UBE2E3: variants seen among roughly 807,000 people sequenced by gnomAD.
UBE2E3 encodes the protein ubiquitin conjugating enzyme E2 E3, also known as ubiquitin-conjugating enzyme E2 E3.
In UBE2E3, 5 loss-of-function variants were observed where a neutral mutation model predicts 23.6. The ratio of observed to expected loss-of-function variants is 0.21; its 90% CI spans 0.11 to 0.44. The LOEUF (loss-of-function observed/expected upper bound fraction) is 0.44, where lower values mean the gene tolerates loss of function less well. Among genes scored for constraint, UBE2E3 ranks in the 20% least tolerant of loss-of-function variants. The pLI is 0.99. For synonymous variants in UBE2E3, 78 were observed against 87.5 expected, an observed-to-expected ratio of 0.89 and a Z score of 0.60; for missense variants, 81 against 249.8, an observed-to-expected ratio of 0.32 and a Z score of 4.55.
At chr2:181,046,275 G>T (rs1444632493) in intron 3 of UBE2E3, among the ~76,000 whole-genome samples, 1 of 152,162 alleles carries the variant, frequency 6.6e-6, no homozygotes, top group Non-Finnish European at 1.5e-5. Context: ...GCAGGTCAGG[G>T]ATTCCGTGTA....
At chr2:181,052,272 G>A (rs1408767908) in intron 3 of UBE2E3, among the ~76,000 whole-genome samples, 2 of 151,836 alleles carry the variant, frequency 1.3e-5, no homozygotes, top group African/African-American at 4.8e-5. Flanking sequence ...TTGCAGGGGT[G>A]TCCAGGGGAA....
At chr2:181,044,172 G>A (rs1040008234) in intron 3 of UBE2E3, among the ~76,000 whole-genome samples, 1 of 151,992 alleles carries the variant, frequency 6.6e-6, no homozygotes, top group Non-Finnish European at 1.5e-5. Flanking sequence ...CTGGTCTTTG[G>A]TAGGGCCAGG....
At chr2:181,025,525 A>G (rs1164929778) in intron 3 of UBE2E3, among the ~76,000 whole-genome samples, 1 of 151,842 alleles carries the variant, frequency 6.6e-6, no homozygotes, top group Non-Finnish European at 1.5e-5. Flanking sequence ...ATTTAAGGGT[A>G]TTCTTTTAGA....
At chr2:181,032,436 A>G (rs549581922) in intron 3 of UBE2E3, among the ~76,000 whole-genome samples, 19 of 152,312 alleles carry the variant, frequency 1.2e-4, no homozygotes, top group African/African-American at 4.3e-4. Flanking sequence ...AATGGCCCCT[A>G]TTTAACGAAC....
intron 3 of UBE2E3, among the ~76,000 whole-genome samples, chr2:181,027,408 A>G (rs1478209770): frequency 2.0e-5 from 3 of 151,960 alleles, no homozygotes; most frequent in African/African-American, 7.2e-5. Flanking sequence ...AGTTAATCAT[A>G]ATTAAAAATG....
intron 3 of UBE2E3, among the ~76,000 whole-genome samples, chr2:181,000,922 C>T (rs1177743152): frequency 6.6e-6 from 1 of 152,106 alleles, no homozygotes; most frequent in Non-Finnish European, 1.5e-5. Flanking sequence ...AAATTTTAAG[C>T]ACATTAGCAT....
chr2:181,042,614 A>C (rs762423529), intron 3 of UBE2E3, among the ~76,000 whole-genome samples: 3 of 152,196 alleles, frequency 2.0e-5, no homozygotes, highest in Non-Finnish European at 4.4e-5. Flanking sequence ...GTTAGAATTC[A>C]GGTTCTGCCA....
At chr2:181,009,608 A>G (rs1685256726) in intron 3 of UBE2E3, among the ~76,000 whole-genome samples, 1 of 141,582 alleles carries the variant, frequency 7.1e-6, no homozygotes, top group Non-Finnish European at 1.6e-5. Context: ...ATAACCAAAT[A>G]TATTTCAGTA....
At position 181,021,058 on chromosome 2, in the gene UBE2E3, T is replaced by A. The variant is rs1346042219; in HGVS notation, c.246-36635T>A. On this transcript the variant is annotated intron_variant, in intron 3 of 5. Transcript: ENST00000410062. ...TTGTCAATCATTTCTTACCCTACTA[T>A]ATGTGAAAAGTAGTAATTATTTCAG... 2.0e-5 allele frequency among the ~76,000 whole-genome samples: 3 copies of A among 152,248 alleles called. No individual in the cohort carries two copies. The East Asian group carries it at 5.8e-4, about 29-fold the overall frequency.
At chr2:181,032,258 G>T (rs1284804884) in intron 3 of UBE2E3, among the ~76,000 whole-genome samples, 4 of 152,236 alleles carry the variant, frequency 2.6e-5, no homozygotes, top group South Asian at 4.2e-4. Flanking sequence ...ATAGAATATG[G>T]TCTTACTCAC....
chr2:181,011,803 A>G (rs747630222), intron 3 of UBE2E3, among the ~76,000 whole-genome samples: 13 of 152,194 alleles, frequency 8.5e-5, no homozygotes, highest in African/African-American at 3.1e-4. Context: ...TGAATGAACC[A>G]TGTGTCCTCC....
intron 3 of UBE2E3, among the ~76,000 whole-genome samples, chr2:181,019,202 C>T (rs1001494498): frequency 6.6e-6 from 1 of 152,174 alleles, no homozygotes; most frequent in Non-Finnish European, 1.5e-5. Context: ...TCAAGGGATC[C>T]ACCTGCCTTG....
At chr2:181,000,985 C>T (rs1684973004) in intron 3 of UBE2E3, among the ~76,000 whole-genome samples, 1 of 152,164 alleles carries the variant, frequency 6.6e-6, no homozygotes, top group Non-Finnish European at 1.5e-5. Flanking sequence ...GTATGTTGTG[C>T]ATCATCAACT....
chr2:181,004,650 G>T (rs1003477955), intron 3 of UBE2E3, among the ~76,000 whole-genome samples: 8 of 152,016 alleles, frequency 5.3e-5, no homozygotes, highest in African/African-American at 2.4e-5. Context: ...AAAGAATTGC[G>T]TTAAGTAACT....
At chr2:181,046,816 T>A (rs1161273761) in intron 3 of UBE2E3, among the ~76,000 whole-genome samples, 1 of 152,116 alleles carries the variant, frequency 6.6e-6, no homozygotes, top group Non-Finnish European at 1.5e-5. Context: ...TCCTTTATGG[T>A]TTAGATTTTA....
chr2:181,040,607 A>G (rs1244655982), intron 3 of UBE2E3, among the ~76,000 whole-genome samples: 1 of 152,222 alleles, frequency 6.6e-6, no homozygotes, highest in Admixed American at 6.5e-5. Context: ...TGTAATTTCT[A>G]TTTAGTATAA....
intron 3 of UBE2E3, among the ~76,000 whole-genome samples, chr2:181,001,621 G>A (rs116193729): frequency 0.03 from 4,623 of 152,272 alleles, 108 homozygotes; most frequent in Middle Eastern, 0.061. Context: ...AATGGCCTAA[G>A]AGCCCTGTCA....
intron 4 of UBE2E3, among the ~76,000 whole-genome samples, chr2:181,059,724 T>G (rs1687085761): frequency 1.3e-5 from 2 of 151,676 alleles, no homozygotes; most frequent in Non-Finnish European, 1.5e-5. Context: ...GCTGTATTGG[T>G]CAGAGCAGTT....
At chr2:181,001,631 A>G (rs1030795612) in intron 3 of UBE2E3, among the ~76,000 whole-genome samples, 6 of 152,220 alleles carry the variant, frequency 3.9e-5, no homozygotes, top group African/African-American at 1.4e-4. Context: ...GAGCCCTGTC[A>G]AAACTGAAGG....
Sources: gnomAD v4.1 joint callset for allele counts (sites outside exome capture counted in the v4.1 genomes callset) on GRCh38, gnomAD v4.1.1 for gene constraint, MANE v1.5 for transcripts, NCBI Gene and HGNC (gene_info 2026-07-23, HGNC 2026-07-21) for gene names.